The following EPB41L4A variants were observed in gnomAD, a reference collection of about 807,000 sequenced individuals.
EPB41L4A encodes erythrocyte membrane protein band 4.1 like 4A, also known as band 4.1-like protein 4A.
A neutral mutation model predicts 108.6 loss-of-function variants in EPB41L4A; 100 were observed. The observed-to-expected ratio is 0.92, with a 90% CI of 0.78 to 1.09. EPB41L4A has a LOEUF of 1.09. Ranked by LOEUF, EPB41L4A falls within the 50% of genes least tolerant of loss-of-function variation. The pLI is 0.00. For missense variants in EPB41L4A, 1,030 were observed against 842.7 expected (o/e 1.22, Z -2.75); for synonymous variants, 319 against 289.0 (o/e 1.10, Z -1.05).
At chr5:112,203,507 G>A (rs1762315811) in intron 15 of EPB41L4A, among the ~76,000 whole-genome samples, 2 of 152,182 alleles carry the variant, frequency 1.3e-5, no homozygotes. Context: ...TTCCTCTCTT[G>A]TACCTGTCAC....
At chr5:112,392,777 C>G (rs561145293) in intron 1 of EPB41L4A, 1 of 152,310 alleles carries the variant, frequency 6.6e-6, no homozygotes, top group East Asian at 1.9e-4. Context: ...CCCAAATCAA[C>G]AGAATATAGT....
intron 12 of EPB41L4A, among the ~76,000 whole-genome samples, chr5:112,148,558 T>C (rs956023431): frequency 6.6e-6 from 1 of 152,178 alleles, no homozygotes; most frequent in Non-Finnish European, 1.5e-5. Flanking sequence ...ATATTTGTTT[T>C]GAAAGGTAAC....
chr5:112,310,415 A>G (rs756308465), intron 1 of EPB41L4A, among the ~76,000 whole-genome samples: 1 of 152,206 alleles, frequency 6.6e-6, no homozygotes, highest in Non-Finnish European at 1.5e-5. Context: ...GACCTCAATA[A>G]AAGAATAACT....
chr5:112,387,096 C>T (rs1414796586), intron 1 of EPB41L4A, among the ~76,000 whole-genome samples: 1 of 152,212 alleles, frequency 6.6e-6, no homozygotes, highest in African/African-American at 2.4e-5. Context: ...CCCGGCCTCT[C>T]CAGTCAGATG....
chr5:112,229,398 TTTTA>T (rs762531005), intron 12 of EPB41L4A, among the ~76,000 whole-genome samples: 10 of 152,198 alleles, frequency 6.6e-5, no homozygotes, highest in South Asian at 2.1e-4. Context: ...TGTGGGGTAT[TTTTA>T]TTTATTTATT....
At chr5:112,332,172 T>C (rs1756614309) in intron 1 of EPB41L4A, among the ~76,000 whole-genome samples, 1 of 152,246 alleles carries the variant, frequency 6.6e-6, no homozygotes, top group Non-Finnish European at 1.5e-5. Context: ...ATTGTTCCAA[T>C]TCCAGAATCT....
intron 4 of EPB41L4A, among the ~76,000 whole-genome samples, chr5:112,270,479 A>G (rs1365913789): frequency 6.6e-6 from 1 of 152,262 alleles, no homozygotes; most frequent in African/African-American, 2.4e-5. Context: ...AATAATGCAG[A>G]AAAATGGCAC....
intron 1 of EPB41L4A, among the ~76,000 whole-genome samples, chr5:112,335,210 AAAAC>A (rs1361596980): frequency 6.6e-6 from 1 of 152,168 alleles, no homozygotes; most frequent in Non-Finnish European, 1.5e-5. Flanking sequence ...AAGAGGCACA[AAAAC>A]AAAAGCAACT....
At chr5:112,182,730 T>G (rs2150232861) in intron 18 of EPB41L4A, among the ~76,000 whole-genome samples, 1 of 152,284 alleles carries the variant, frequency 6.6e-6, no homozygotes, top group East Asian at 1.9e-4. Flanking sequence ...TAATCTTGGG[T>G]TCTGCACCTT....
At chr5:112,281,212 C>G (rs1238034749) in intron 2 of EPB41L4A, among the ~76,000 whole-genome samples, 1 of 152,248 alleles carries the variant, frequency 6.6e-6, no homozygotes, top group Non-Finnish European at 1.5e-5. Context: ...CCTCTAATAA[C>G]TGCCTTTGGC....
At chr5:112,177,608 G>A (rs1338138254) in intron 18 of EPB41L4A, among the ~76,000 whole-genome samples, 1 of 152,148 alleles carries the variant, frequency 6.6e-6, no homozygotes, top group Non-Finnish European at 1.5e-5. Context: ...AAAACTCACT[G>A]TTTAAGCAAA....
intron 15 of EPB41L4A, among the ~76,000 whole-genome samples, chr5:112,196,320 A>C (rs913050534): frequency 1.3e-5 from 2 of 152,204 alleles, no homozygotes; most frequent in Non-Finnish European, 2.9e-5. Flanking sequence ...GATTTAAATA[A>C]GTTACTTTTC....
At chr5:112,361,305 A>G (rs1400383194) in intron 1 of EPB41L4A, among the ~76,000 whole-genome samples, 5 of 152,248 alleles carry the variant, frequency 3.3e-5, no homozygotes, top group Non-Finnish European at 7.3e-5. Flanking sequence ...TTTGTTAAAC[A>G]GATGCTTGAA....
chr5:112,171,065 G>A, intron 18 of EPB41L4A, 73 bp from the exon 19 acceptor site: 4 of 1,322,692 alleles, frequency 3.0e-6, no homozygotes, highest in Non-Finnish European at 4.3e-6. Context: ...AACTTTAATA[G>A]TTTTCAGACT....
At chr5:112,194,043 A>T (rs1761838605) in intron 17 of EPB41L4A, among the ~76,000 whole-genome samples, 1 of 152,234 alleles carries the variant, frequency 6.6e-6, no homozygotes, top group South Asian at 2.1e-4. Context: ...TACTGACTAC[A>T]TGTCAAATGA....
At chr5:112,152,785 T>C (rs1293687892) in intron 12 of EPB41L4A, among the ~76,000 whole-genome samples, 1 of 152,078 alleles carries the variant, frequency 6.6e-6, no homozygotes. Context: ...CCAATAAAAG[T>C]TCATGTGAAA....
chr5:112,181,670 G>T (rs919375365), intron 18 of EPB41L4A, among the ~76,000 whole-genome samples: 29 of 152,192 alleles, frequency 1.9e-4, no homozygotes, highest in African/African-American at 5.8e-4. Flanking sequence ...TGATACCATG[G>T]ATGAAGCTCA....
chr5:112,365,022 C>T (rs942958205), intron 1 of EPB41L4A, among the ~76,000 whole-genome samples: 1 of 152,092 alleles, frequency 6.6e-6, no homozygotes, highest in Non-Finnish European at 1.5e-5. Flanking sequence ...TCTCAGTTGC[C>T]AAGAACCTTG....
chr5:112,310,245 T>C (rs1295535110), intron 1 of EPB41L4A, among the ~76,000 whole-genome samples: 1 of 152,226 alleles, frequency 6.6e-6, no homozygotes, highest in East Asian at 1.9e-4. Flanking sequence ...TGCTAATGCA[T>C]TGGAAAGCCA....
Sources: gnomAD v4.1 joint callset for allele counts (sites outside exome capture counted in the v4.1 genomes callset) on GRCh38, gnomAD v4.1.1 for gene constraint, MANE v1.5 for transcripts, NCBI Gene and HGNC (gene_info 2026-07-23, HGNC 2026-07-21) for gene names.